The following LIMD1 variants were observed in gnomAD, a reference collection of about 807,000 sequenced individuals.
LIMD1 encodes LIM domain containing 1.
A neutral mutation model predicts 58.4 loss-of-function variants in LIMD1; 23 were observed. The ratio of observed to expected loss-of-function variants is 0.39; its 90% CI spans 0.28 to 0.56. The LOEUF is 0.56. LIMD1 is among the 20% of genes least tolerant of loss of function. The probability of loss-of-function intolerance (pLI) is 0.57; values close to 1 mark genes in which losing one functional copy is unlikely to be tolerated. For missense variants in LIMD1, 838 were observed against 855.5 expected (o/e 0.98, Z 0.25); for synonymous variants, 334 against 345.5 (o/e 0.97, Z 0.37).
rs185285403 is a variant in LIMD1 at position 45,601,769 on chromosome 3, C to G, written c.1408+5482C>G. ...CAAGTAGTGGTGCTCCCATACCAGTCGGGATTTTGCTTCTGCTCTGACCAC... is the reference window on the plus strand; with the variant it reads ...CAAGTAGTGGTGCTCCCATACCAGTGGGGATTTTGCTTCTGCTCTGACCAC... On this transcript the variant is annotated intron_variant, in intron 1 of 7. Transcript: ENST00000273317. Among the ~76,000 whole-genome samples the G allele has an allele frequency of 4.6e-5, 7 of 152,222 alleles. No homozygotes were observed. The East Asian group carries it at 1.4e-3, about 29-fold the overall frequency.
chr3:45,616,525 G>A (rs1221116040), intron 1 of LIMD1, among the ~76,000 whole-genome samples: 1 of 152,094 alleles, frequency 6.6e-6, no homozygotes, highest in Non-Finnish European at 1.5e-5. Flanking sequence ...CCAAAGTCCT[G>A]AAAGTAGCCT....
At position 45,614,409 on chromosome 3, in the gene LIMD1, T is replaced by TAAAA. The variant is rs776301383; in HGVS notation, c.1408+18137_1408+18140dup. ...GGGCGTGGTGGCGGGCACCTGTAGT[T>TAAAA]AAAAAAAAAAAAAAAAAAGGAAATC... On this transcript the variant is annotated intron_variant, in intron 1 of 7. Coordinates refer to ENST00000273317, the MANE Select transcript of LIMD1 (RefSeq NM_014240.3). 4.8e-5 allele frequency among the ~76,000 whole-genome samples: 6 copies of TAAAA among 125,512 alleles called. No homozygotes were observed. In the South Asian group the frequency reaches 7.8e-4, roughly 16 times the overall value. The allele number at this position is 125,512 out of a possible 152,430, so 82.3% of individuals were successfully genotyped here.
At chr3:45,645,248 G>A (rs546028529) in intron 2 of LIMD1, among the ~76,000 whole-genome samples, 12 of 152,312 alleles carry the variant, frequency 7.9e-5, no homozygotes, top group Admixed American at 2.0e-4. Flanking sequence ...TTCTGCTAGT[G>A]CACTGGAGTT....
At chr3:45,663,032 C>T (rs563630163) in intron 2 of LIMD1, among the ~76,000 whole-genome samples, 42 of 152,148 alleles carry the variant, frequency 2.8e-4, no homozygotes, top group Admixed American at 9.8e-4. Flanking sequence ...TGTGTGCGCA[C>T]TCTCAAACTT....
At chr3:45,617,187 C>T (rs1437326592) in intron 1 of LIMD1, among the ~76,000 whole-genome samples, 1 of 151,664 alleles carries the variant, frequency 6.6e-6, no homozygotes, top group Non-Finnish European at 1.5e-5. Context: ...GTGTGTGCCA[C>T]CCCACCTGGC....
chr3:45,679,852 T>C lies in LIMD1; in HGVS notation c.*2793T>C, dbSNP rs548971172. ...GATGTTATTCCCCCATCTGCCGTCT[T>C]GGTTCATCTCACCACAGAAGGGCAT... On this transcript the variant is annotated 3_prime_UTR_variant, in exon 8 of 8. Coordinates refer to ENST00000273317, the MANE Select transcript of LIMD1 (RefSeq NM_014240.3). 6.6e-6 allele frequency: 1 copy of C among 152,330 alleles called. No individual in the cohort carries two copies. Among genetic ancestry groups the C allele is most frequent in the East Asian group, 1.9e-4 (1 of 5,182 alleles). The allele number at this position is 152,330 out of a possible 1,614,324, so 9.4% of individuals were successfully genotyped here.
intron 2 of LIMD1, among the ~76,000 whole-genome samples, chr3:45,652,383 G>A (rs1575360334): frequency 1.3e-5 from 2 of 152,282 alleles, no homozygotes; most frequent in Admixed American, 1.3e-4. Context: ...TCTAATATCT[G>A]TGTCTGATCG....
At chr3:45,662,119 T>C (rs1697449761) in intron 2 of LIMD1, among the ~76,000 whole-genome samples, 1 of 152,238 alleles carries the variant, frequency 6.6e-6, no homozygotes, top group Admixed American at 6.5e-5. Context: ...TGATCATTCA[T>C]ACTTATTTTG....
intron 2 of LIMD1, among the ~76,000 whole-genome samples, chr3:45,636,820 A>G (rs891617622): frequency 5.3e-5 from 8 of 152,184 alleles, no homozygotes; most frequent in African/African-American, 1.9e-4. Flanking sequence ...CAGTACATGC[A>G]TTATAATTCA....
intron 2 of LIMD1, among the ~76,000 whole-genome samples, chr3:45,661,544 A>C (rs1041206269): frequency 6.6e-6 from 1 of 152,240 alleles, no homozygotes; most frequent in Admixed American, 6.5e-5. Flanking sequence ...GAACTAGGAT[A>C]AATTCCTGAA....
chr3:45,662,555 A>G (rs1697455853), intron 2 of LIMD1, among the ~76,000 whole-genome samples: 1 of 152,214 alleles, frequency 6.6e-6, no homozygotes, highest in East Asian at 1.9e-4. Flanking sequence ...TAAAGGAAAT[A>G]AAATATTATA....
intron 2 of LIMD1, among the ~76,000 whole-genome samples, chr3:45,649,781 AAAATATATAT>A (rs1701947185): frequency 6.9e-6 from 1 of 145,850 alleles, no homozygotes; most frequent in Non-Finnish European, 1.5e-5. Flanking sequence ...TTATATATAT[AAAATATATAT>A]ATTGCTGGAT....
chr3:45,667,651 A>C (rs146640013), intron 3 of LIMD1, among the ~76,000 whole-genome samples: 175 of 151,676 alleles, frequency 1.2e-3, no homozygotes, highest in African/African-American at 4.1e-3. Context: ...ATATTTATTA[A>C]GTTTCTTTGA....
chr3:45,594,778 A>AACACACACACACAC lies in LIMD1; in HGVS notation c.-49_-36dup, dbSNP rs57091993. ...TCGCCAGCATCTCCCCGCTGCCCTCAACACACACACACACACACACACACA... is the reference window on the plus strand; with the variant it reads ...TCGCCAGCATCTCCCCGCTGCCCTCAACACACACACACACACACACACACACACACACACACACA... On this transcript the variant is annotated 5_prime_UTR_variant, in exon 1 of 8. Transcript: ENST00000273317. The AACACACACACACAC allele has an allele frequency of 1.1e-3, 795 of 731,600 alleles. 28 individuals are homozygous for AACACACACACACAC. The highest frequency in any genetic ancestry group is 2.2e-3 in the African/African-American group (83 of 38,034). The allele number at this position is 731,600 out of a possible 1,614,324, so 45.3% of individuals were successfully genotyped here.
At chr3:45,630,196 A>T (rs867462275) in intron 1 of LIMD1, among the ~76,000 whole-genome samples, 3 of 152,122 alleles carry the variant, frequency 2.0e-5, no homozygotes, top group Non-Finnish European at 1.5e-5. Context: ...ATCCTGTGGC[A>T]TGGGGGGCCC....
chr3:45,666,888 C>T (rs1697527757), intron 3 of LIMD1, among the ~76,000 whole-genome samples: 1 of 152,208 alleles, frequency 6.6e-6, no homozygotes, highest in African/African-American at 2.4e-5. Flanking sequence ...GGGCCAGCTT[C>T]TCCCTGCCTT....
chr3:45,642,330 C>T (rs536631343), intron 2 of LIMD1, among the ~76,000 whole-genome samples: 1 of 152,060 alleles, frequency 6.6e-6, no homozygotes, highest in African/African-American at 2.4e-5. Flanking sequence ...CATGCACCAC[C>T]ATGTTCAGCT....
Position 45,652,715 on chromosome 3 carries a change from T to C in LIMD1, c.1511-12935T>C, listed in dbSNP as rs1302067785. 3.9e-5 allele frequency among the ~76,000 whole-genome samples: 6 copies of C among 152,362 alleles called. No individual in the cohort carries two copies. The East Asian group carries it at 1.2e-3, about 29-fold the overall frequency. Reference sequence around the variant, plus strand: ...TCCAGCTTTTGTGGGTGCCAGGCACTGTTCTTGCGAATCCTGCAGATGTTT... The same window carrying C: ...TCCAGCTTTTGTGGGTGCCAGGCACCGTTCTTGCGAATCCTGCAGATGTTT... On this transcript the variant is annotated intron_variant, in intron 2 of 7. Transcript: ENST00000273317.
chr3:45,670,909 G>T (rs375535701), intron 4 of LIMD1, among the ~76,000 whole-genome samples: 2 of 152,264 alleles, frequency 1.3e-5, no homozygotes, highest in Admixed American at 6.5e-5. Flanking sequence ...TAATAGAGGG[G>T]TACATTCTGG....
Sources: allele counts gnomAD v4.1 joint callset (sites outside exome capture counted in the v4.1 genomes callset), GRCh38; gene constraint gnomAD v4.1.1; transcripts MANE v1.5; gene names NCBI Gene and HGNC (gene_info 2026-07-23, HGNC 2026-07-21).